The following EFHC2 variants were observed in gnomAD, a reference collection of about 807,000 sequenced individuals.
EFHC2 encodes the protein EF-hand domain-containing family member C2.
A neutral mutation model predicts 52.7 loss-of-function variants in EFHC2; 18 were observed. That is an observed-to-expected ratio of 0.34 (90% CI 0.24 to 0.51). EFHC2 has a LOEUF of 0.51. Among genes scored for constraint, EFHC2 ranks in the 20% least tolerant of loss-of-function variants. EFHC2 has a pLI of 0.97. For synonymous variants in EFHC2, 203 were observed against 204.1 expected, an observed-to-expected ratio of 0.99 and a Z score of 0.04; for missense variants, 513 against 562.5, an observed-to-expected ratio of 0.91 and a Z score of 0.89.
chrX:44,197,938 C>T (rs544293534), intron 11 of EFHC2, among the ~76,000 whole-genome samples: 2 of 112,156 alleles, frequency 1.8e-5, no homozygotes, highest in African/African-American at 6.5e-5. Context: ...ACAAAATTTG[C>T]AATCTAATTA....
Position 44,338,118 on chromosome X carries a change from G to A in EFHC2, c.42+5429C>T, listed in dbSNP as rs552452347. 3.6e-5 allele frequency among the ~76,000 whole-genome samples: 4 copies of A among 111,407 alleles called. No individual in the cohort carries two copies. In the South Asian group the frequency reaches 1.1e-3, roughly 32 times the overall value. ...TTAGTTGTTGCACAACAGTGTGAAT[G>A]TACCAAGTACCACTGAATTGTATAC... On this transcript the variant is annotated intron_variant, in intron 1 of 14. Transcript: ENST00000420999.
chrX:44,314,016 G>A (rs1375762803), intron 1 of EFHC2, among the ~76,000 whole-genome samples: 1 of 111,519 alleles, frequency 9.0e-6, no homozygotes. Flanking sequence ...AATATAGGTA[G>A]CTGAAGTACA....
chrX:44,277,358 T>G (rs1433343248), intron 2 of EFHC2, among the ~76,000 whole-genome samples: 2 of 111,561 alleles, frequency 1.8e-5, no homozygotes, highest in African/African-American at 3.3e-5. Context: ...CCTCAACATT[T>G]TATAAAGAGG....
chrX:44,339,959 A>G (rs1004235014), intron 1 of EFHC2, among the ~76,000 whole-genome samples: 1 of 112,098 alleles, frequency 8.9e-6, no homozygotes, highest in Non-Finnish European at 1.9e-5. Context: ...ATACTAGGAT[A>G]CTCAATAAAT....
At chrX:44,178,129 T>TAACACACACACACACACA (rs1556000435) in intron 12 of EFHC2, among the ~76,000 whole-genome samples, 28 of 83,953 alleles carry the variant, frequency 3.3e-4, no homozygotes, top group African/African-American at 1.3e-3. Flanking sequence ...AGATGCCATA[T>TAACACACACACACACACA]CACACACACA....
chrX:44,339,135 G>A (rs907625504), intron 1 of EFHC2, among the ~76,000 whole-genome samples: 1 of 108,329 alleles, frequency 9.2e-6, no homozygotes, highest in South Asian at 4.0e-4. Flanking sequence ...AGGTTGCAGT[G>A]AGCCGAGATG....
rs537880101 is a variant in EFHC2, at chrX:44,149,620, A to T, written c.2149-724T>A. On this transcript the variant is annotated intron_variant, in intron 14 of 14. Transcript: ENST00000420999. ...AACCTCCAACTCCCGGGTTCAAGTG[A>T]TTCTCATGCCTCAGCCTCCCGAGTA... Among the ~76,000 whole-genome samples, 13 of 111,338 alleles carry T rather than the reference A, an allele frequency of 1.2e-4. No individual in the cohort carries two copies. In the South Asian group the frequency reaches 5.0e-3, roughly 43 times the overall value.
intron 3 of EFHC2, among the ~76,000 whole-genome samples, chrX:44,262,531 AAAAAGAAAAG>A (rs1556015629): frequency 1.1e-5 from 1 of 93,683 alleles, no homozygotes; most frequent in Non-Finnish European, 2.0e-5. Flanking sequence ...AAAAAAAAAA[AAAAAGAAAAG>A]AAAAGAAAAA....
intron 10 of EFHC2, among the ~76,000 whole-genome samples, chrX:44,231,952 A>T (rs1319805866): frequency 9.0e-6 from 1 of 111,420 alleles, no homozygotes; most frequent in Non-Finnish European, 1.9e-5. Flanking sequence ...AAAAAAAAAA[A>T]CTCTTTGAGC....
At chrX:44,167,025 T>G (rs2036701271) in intron 13 of EFHC2, among the ~76,000 whole-genome samples, 1 of 111,954 alleles carries the variant, frequency 8.9e-6, no homozygotes, top group Non-Finnish European at 1.9e-5. Context: ...CTTTCTTGCC[T>G]GCAATCCTCC....
intron 11 of EFHC2, among the ~76,000 whole-genome samples, chrX:44,220,543 C>T (rs1298640791): frequency 9.0e-6 from 1 of 111,501 alleles, no homozygotes; most frequent in East Asian, 2.8e-4. Flanking sequence ...AGTCAGCAAA[C>T]AATAAACCTT....
At chrX:44,171,789 G>C (rs1357559155) in intron 13 of EFHC2, among the ~76,000 whole-genome samples, 1 of 111,471 alleles carries the variant, frequency 9.0e-6, no homozygotes, top group African/African-American at 3.3e-5. Context: ...TATTTGAAAA[G>C]GTAGAAAGCA....
At chrX:44,171,812 G>C (rs772787478) in intron 13 of EFHC2, among the ~76,000 whole-genome samples, 1 of 111,415 alleles carries the variant, frequency 9.0e-6, no homozygotes, top group East Asian at 2.8e-4. Flanking sequence ...TGGGTGGGTG[G>C]ATGGGTCTGA....
chrX:44,211,444 C>T (rs1026573898), intron 11 of EFHC2, among the ~76,000 whole-genome samples: 29 of 111,750 alleles, frequency 2.6e-4, no homozygotes, highest in African/African-American at 9.4e-4. Flanking sequence ...AGGAGAATCA[C>T]TTGAACCCAG....
chrX:44,160,801 A>T (rs2036647190), intron 14 of EFHC2, among the ~76,000 whole-genome samples: 1 of 111,056 alleles, frequency 9.0e-6, no homozygotes, highest in African/African-American at 3.3e-5. Context: ...GTGTGCCTAT[A>T]GTCCCAGCTA....
intron 1 of EFHC2, among the ~76,000 whole-genome samples, chrX:44,324,674 T>C (rs1206199352): frequency 9.0e-6 from 1 of 111,659 alleles, no homozygotes; most frequent in Non-Finnish European, 1.9e-5. Flanking sequence ...TTTTAAACAT[T>C]AAAATCCACC....
At chrX:44,160,462 C>G (rs188875392) in intron 14 of EFHC2, among the ~76,000 whole-genome samples, 2 of 111,427 alleles carry the variant, frequency 1.8e-5, no homozygotes, top group East Asian at 2.8e-4. Context: ...TATCTGCATA[C>G]TGTGTTGTTA....
chrX:44,230,252 G>C, intron 10 of EFHC2, among the ~76,000 whole-genome samples: 1 of 111,599 alleles, frequency 9.0e-6, no homozygotes, highest in African/African-American at 3.3e-5. Flanking sequence ...ATCCACGCAA[G>C]CACCCTAACC....
intron 14 of EFHC2, among the ~76,000 whole-genome samples, chrX:44,160,310 AAG>A (rs776571317): frequency 3.6e-4 from 40 of 111,524 alleles, no homozygotes; most frequent in Non-Finnish European, 6.0e-4. Context: ...CAACATTCAA[AAG>A]AGAGGAGAAA....
Sources: allele counts gnomAD v4.1 joint callset (sites outside exome capture counted in the v4.1 genomes callset), GRCh38; gene constraint gnomAD v4.1.1; transcripts MANE v1.5; gene names NCBI Gene and HGNC (gene_info 2026-07-23, HGNC 2026-07-21).